MED20: variants seen among roughly 807,000 people sequenced by gnomAD.
The protein encoded by MED20 is mediator complex subunit 20.
A neutral mutation model predicts 19.7 loss-of-function variants in MED20; 19 were observed. The observed-to-expected ratio is 0.96, with a 90% CI of 0.67 to 1.42. The LOEUF is 1.42. Ranked by LOEUF, MED20 falls within the 40% of genes most tolerant of loss-of-function variation. The pLI, the probability that MED20 is intolerant of heterozygous loss-of-function variation, is 0.00. For synonymous variants in MED20, 105 were observed against 104.8 expected, an observed-to-expected ratio of 1.00 and a Z score of -0.01; for missense variants, 225 against 273.0, an observed-to-expected ratio of 0.82 and a Z score of 1.24.
At chr6:41,918,458 C>T (rs1348962575) in intron 1 of MED20, among the ~76,000 whole-genome samples, 3 of 149,452 alleles carry the variant, frequency 2.0e-5, no homozygotes, top group East Asian at 2.0e-4. Context: ...GAGCCAAGAT[C>T]GCACCACTGC....
chr6:41,917,699 G>C (rs1775351064), intron 1 of MED20: 1 of 461,170 alleles, frequency 2.2e-6, no homozygotes, highest in African/African-American at 2.0e-5. Context: ...ATTCAATAAT[G>C]CTGAGTCATA....
intron 1 of MED20, among the ~76,000 whole-genome samples, chr6:41,919,926 C>A (rs900698588): frequency 7.9e-5 from 12 of 152,126 alleles, no homozygotes; most frequent in Admixed American, 6.5e-4. Context: ...AGAACCTGGG[C>A]TACCAGGAGG....
Position 41,909,463 on chromosome 6 carries a change from C to A in MED20, c.229G>T (p.Ala77Ser), listed in dbSNP as rs963479392. 1.2e-6 allele frequency: 2 copies of A among 1,614,254 alleles called. No individual in the cohort carries two copies. The highest frequency in any genetic ancestry group is 1.7e-5 in the Admixed American group (1 of 60,030). ...AGGCAAGGGCCATTCTCAAAGAGGG[C>A]GAAACAGCTCAATGGGTACTCTGAG... is the stretch of plus-strand genomic sequence containing the variant. Reference protein sequence around the residue: ...HNSEYPLSCFALFENGPCLIA... With the variant: ...HNSEYPLSCFSLFENGPCLIA... The change falls in exon 3 of 4, where the codon GCC (alanine) becomes TCC (serine). Residue 77 changes from alanine to serine, a missense_variant. Physicochemically the swap from Ala to Ser is moderately conservative, Grantham distance 99. Transcript: ENST00000265350.
Position 41,906,860 on chromosome 6 carries a change from G to A in MED20, c.*212C>T, listed in dbSNP as rs766220915. 22 of 563,124 alleles carry A rather than the reference G, an allele frequency of 3.9e-5. No homozygotes were observed. Among genetic ancestry groups the A allele is most frequent in the Admixed American group, 1.2e-4 (4 of 33,122 alleles). 34.9% of individuals were successfully genotyped at this position (563,124 alleles called of 1,614,324 possible). ...GGACAGGCCAAATCCAGTAAGGCAC[G>A]GAGTAAAACAGCTGATGGGGGGCTA... On this transcript the variant is annotated 3_prime_UTR_variant, in exon 4 of 4. Coordinates refer to ENST00000265350, the MANE Select transcript of MED20 (RefSeq NM_004275.5).
rs80032753 is a variant in MED20, at chr6:41,919,472, T to C, written c.14+1533A>G. 3.9e-3 allele frequency among the ~76,000 whole-genome samples: 595 copies of C among 152,288 alleles called. 4 individuals are homozygous for C. Among genetic ancestry groups the C allele is most frequent in the African/African-American group, 0.014 (576 of 41,570 alleles). On this transcript the variant is annotated intron_variant, in intron 1 of 3. Coordinates refer to ENST00000265350, the MANE Select transcript of MED20 (RefSeq NM_004275.5). ...CTGTTGCTAAAAATTGTCACTACTC[T>C]ATCAGAAAAAAACACTGATAAACGA... is the stretch of plus-strand genomic sequence containing the variant.
At position 41,921,099 on chromosome 6, in the gene MED20, C is replaced by A. The variant is rs1775454793; in HGVS notation, c.-81G>T. On this transcript the variant is annotated 5_prime_UTR_variant, in exon 1 of 4. Coordinates refer to ENST00000265350, the MANE Select transcript of MED20 (RefSeq NM_004275.5). ...CCGCCCACAGAAACTCCTTCAGTTC[C>A]CCAACACAACCTTCTGTCTCAGAAG... The A allele has an allele frequency of 3.2e-6, 5 of 1,558,938 alleles. No homozygotes were observed. The highest frequency in any genetic ancestry group is 4.4e-6 in the Non-Finnish European group (5 of 1,141,266).
intron 1 of MED20, among the ~76,000 whole-genome samples, chr6:41,918,629 C>G (rs1321623876): frequency 7.1e-6 from 1 of 141,418 alleles, no homozygotes; most frequent in Non-Finnish European, 1.5e-5. Context: ...CTGGCTAACA[C>G]GGTGAAACCC....
At chr6:41,911,884 G>A (rs1285518145) in intron 2 of MED20, among the ~76,000 whole-genome samples, 1 of 152,056 alleles carries the variant, frequency 6.6e-6, no homozygotes, top group African/African-American at 2.4e-5. Flanking sequence ...AGCCGACCTC[G>A]TCATTCTGTT....
intron 2 of MED20, among the ~76,000 whole-genome samples, chr6:41,913,898 C>CA (rs888423748): frequency 6.1e-5 from 9 of 148,526 alleles, no homozygotes; most frequent in South Asian, 2.1e-4. Context: ...AACTCCGTCT[C>CA]AAAAAAAAAA....
At chr6:41,920,714 T>C (rs913359342) in intron 1 of MED20, 19 of 324,712 alleles carry the variant, frequency 5.9e-5, no homozygotes, top group African/African-American at 3.9e-4. Context: ...AGTGTTGCAG[T>C]GAGCCAAGAT....
At chr6:41,912,143 A>G (rs1775209677) in intron 2 of MED20, among the ~76,000 whole-genome samples, 1 of 148,180 alleles carries the variant, frequency 6.7e-6, no homozygotes, top group South Asian at 2.1e-4. Flanking sequence ...CAACCTCCTG[A>G]GCCCAAGCAA....
At position 41,906,888 on chromosome 6, in the gene MED20, T is replaced by C; in HGVS notation, c.*184A>G. On this transcript the variant is annotated 3_prime_UTR_variant, in exon 4 of 4. Coordinates refer to ENST00000265350, the MANE Select transcript of MED20 (RefSeq NM_004275.5). The stretch of plus-strand genomic sequence containing the variant: ...GTAAAACAGCTGATGGGGGGCTATG[T>C]GTGAGAGTCAGGGGGTTGGGGAGGG... The C allele has an allele frequency of 1.7e-6, 1 of 595,346 alleles. No individual in the cohort carries two copies. The allele number at this position is 595,346 out of a possible 1,614,324, so 36.9% of individuals were successfully genotyped here. A position where few individuals can be genotyped will look rare whatever the true frequency, so the allele number is the denominator to read the frequency against.
At chr6:41,910,318 C>T (rs567019801) in intron 2 of MED20, among the ~76,000 whole-genome samples, 1 of 152,274 alleles carries the variant, frequency 6.6e-6, no homozygotes, top group African/African-American at 2.4e-5. Context: ...AAGCTATACA[C>T]ATTTAGTTAA....
In MED20 at chr6:41,909,514, C is replaced by T. The variant is rs1775139101; in HGVS notation, c.178G>A (p.Gly60Arg). The change falls in exon 3 of 4, where the codon GGG (glycine) becomes AGG (arginine). Residue 60 changes from glycine (G) to arginine (R), a missense_variant. Transcript: ENST00000265350. Reference protein sequence around the residue: ...ASTLGSQGQTGKLMYVMHNSE... With the variant: ...ASTLGSQGQTRKLMYVMHNSE... ...TTGTGCATCACATACATCAGCTTCC[C>T]GGTCTGACCTGCAAGGGACAGAGAT... 1.9e-6 allele frequency: 3 copies of T among 1,614,056 alleles called. No homozygotes were observed. Among genetic ancestry groups the T allele is most frequent in the Non-Finnish European group, 2.5e-6 (3 of 1,179,930 alleles).
Position 41,906,812 on chromosome 6 carries a change from C to G in MED20, c.*260G>C, listed in dbSNP as rs1775060201. 2.1e-6 allele frequency: 1 copy of G among 466,716 alleles called. No homozygotes were observed. Among genetic ancestry groups the G allele is most frequent in the South Asian group, 3.4e-5 (1 of 29,586 alleles). The allele number at this position is 466,716 out of a possible 1,614,324, so 28.9% of individuals were successfully genotyped here. On this transcript the variant is annotated 3_prime_UTR_variant, in exon 4 of 4. Transcript: ENST00000265350. Reference sequence around the variant, plus strand: ...AGGAGGCAAGGTCCAAACTTCTCCACTCTTCATAATTACCATTCTTGAGGA... The same window carrying G: ...AGGAGGCAAGGTCCAAACTTCTCCAGTCTTCATAATTACCATTCTTGAGGA...
At chr6:41,911,258 C>T (rs1024219401) in intron 2 of MED20, among the ~76,000 whole-genome samples, 2 of 151,126 alleles carry the variant, frequency 1.3e-5, no homozygotes, top group Non-Finnish European at 2.9e-5. Context: ...TCAAGTGATT[C>T]TCTTGCCTCA....
At chr6:41,916,334 CT>C (rs1421404541) in intron 2 of MED20, among the ~76,000 whole-genome samples, 3 of 152,084 alleles carry the variant, frequency 2.0e-5, no homozygotes, top group African/African-American at 7.2e-5. Flanking sequence ...AATCCCAGCA[CT>C]TTGGGAGGCC....
At chr6:41,909,546 C>A (rs1347729012) in intron 2 of MED20, 24 bp from the exon 3 acceptor site, 1 of 1,608,652 alleles carries the variant, frequency 6.2e-7, no homozygotes, top group Non-Finnish European at 8.5e-7. Flanking sequence ...AGATCCTATT[C>A]ATCATCAAGA....
At chr6:41,915,186 C>A (rs1300293587) in intron 2 of MED20, among the ~76,000 whole-genome samples, 3 of 152,160 alleles carry the variant, frequency 2.0e-5, no homozygotes, top group African/African-American at 7.2e-5. Flanking sequence ...GTCATCTCAG[C>A]ACTTTGGGAG....
Sources: gnomAD v4.1 joint callset for allele counts (sites outside exome capture counted in the v4.1 genomes callset) on GRCh38, gnomAD v4.1.1 for gene constraint, MANE v1.5 for transcripts, NCBI Gene and HGNC (gene_info 2026-07-23, HGNC 2026-07-21) for gene names.